Variants in COL22A1 observed in about 807,000 individuals in gnomAD.
The protein encoded by COL22A1 is collagen type XXII alpha 1 chain, also known as collagen alpha-1(XXII) chain.
COL22A1 carries 221 observed loss-of-function variants against 248.9 expected under a neutral mutation model. The ratio of observed to expected loss-of-function variants is 0.89; its 90% CI spans 0.80 to 0.99. The LOEUF (loss-of-function observed/expected upper bound fraction) is 0.99, where lower values mean the gene tolerates loss of function less well. Ranked by LOEUF, COL22A1 falls within the 50% of genes least tolerant of loss-of-function variation. COL22A1 has a pLI of 0.00. For synonymous variants in COL22A1, 891 were observed against 793.4 expected (o/e 1.12, Z -2.07); for missense variants, 2,240 against 2,179.0 (o/e 1.03, Z -0.56).
intron 42 of COL22A1, among the ~76,000 whole-genome samples, chr8:138,663,150 G>T (rs1316890972): frequency 6.6e-6 from 1 of 152,124 alleles, no homozygotes; most frequent in African/African-American, 2.4e-5. Context: ...TATTTCCCCT[G>T]GGGTGAATTT....
At chr8:138,879,172 C>T (rs558422413) in intron 2 of COL22A1, among the ~76,000 whole-genome samples, 53 of 152,230 alleles carry the variant, frequency 3.5e-4, no homozygotes, top group South Asian at 1.9e-3. Context: ...CTGATACATA[C>T]GCTGTTCTCC....
chr8:138,892,430 CAT>C (rs751152970), intron 1 of COL22A1, among the ~76,000 whole-genome samples: 9 of 152,198 alleles, frequency 5.9e-5, no homozygotes, highest in Non-Finnish European at 7.3e-5. Context: ...CAGGCCCTGG[CAT>C]AGAGTAGGTG....
chr8:138,851,829 G>T (rs1821665730), intron 3 of COL22A1, among the ~76,000 whole-genome samples: 1 of 152,210 alleles, frequency 6.6e-6, no homozygotes, highest in African/African-American at 2.4e-5. Context: ...AAAGTGACAA[G>T]CTCGCTGTCC....
chr8:138,883,369 C>T (rs1824392437), intron 1 of COL22A1, 125 bp from the exon 2 acceptor site: 2 of 591,174 alleles, frequency 3.4e-6, no homozygotes, highest in Non-Finnish European at 6.0e-6. Context: ...CTCCCGGATT[C>T]AACTCCAGGC....
chr8:138,628,760 CTTT>C (rs56318714), intron 50 of COL22A1, among the ~76,000 whole-genome samples: 137 of 124,296 alleles, frequency 1.1e-3, no homozygotes, highest in Admixed American at 2.6e-3. Context: ...AGATCCACAT[CTTT>C]TTTTTTTTTT....
chr8:138,741,840 G>A (rs955796096), intron 22 of COL22A1, among the ~76,000 whole-genome samples: 5 of 152,200 alleles, frequency 3.3e-5, no homozygotes, highest in African/African-American at 1.2e-4. Context: ...TGATAATAAT[G>A]GTGGTGGTGG....
chr8:138,755,697 C>A, intron 19 of COL22A1, 88 bp downstream of exon 19: 2 of 1,425,356 alleles, frequency 1.4e-6, no homozygotes, highest in Non-Finnish European at 2.0e-6. Context: ...CTTGGAAGAG[C>A]GTTGCCTTAT....
At chr8:138,703,707 T>G (rs1828160741) in intron 30 of COL22A1, among the ~76,000 whole-genome samples, 1 of 151,972 alleles carries the variant, frequency 6.6e-6, no homozygotes, top group South Asian at 2.1e-4. Context: ...CAGCTCCCAG[T>G]GTGAGTAATG....
chr8:138,689,837 G>A (rs145686084), intron 36 of COL22A1, among the ~76,000 whole-genome samples: 140 of 152,328 alleles, frequency 9.2e-4, no homozygotes, highest in Non-Finnish European at 1.7e-3. Flanking sequence ...CGCTCAGAGC[G>A]ATGACAGCTG....
At chr8:138,862,505 A>T (rs1822559392) in intron 3 of COL22A1, among the ~76,000 whole-genome samples, 2 of 150,842 alleles carry the variant, frequency 1.3e-5, no homozygotes. Context: ...GGGTCCCTTA[A>T]TTCCCTGACC....
At chr8:138,883,632 G>A (rs1355928244) in intron 1 of COL22A1, among the ~76,000 whole-genome samples, 2 of 152,146 alleles carry the variant, frequency 1.3e-5, no homozygotes, top group Non-Finnish European at 2.9e-5. Flanking sequence ...CATGGGGGCA[G>A]TTTCCCCCAT....
intron 16 of COL22A1, among the ~76,000 whole-genome samples, chr8:138,769,851 A>G (rs1159899973): frequency 6.6e-6 from 1 of 152,184 alleles, no homozygotes; most frequent in Non-Finnish European, 1.5e-5. Flanking sequence ...CCAAAATGGA[A>G]AAGACAGAGG....
chr8:138,607,744 C>T (rs558209977), intron 57 of COL22A1, among the ~76,000 whole-genome samples, 192 bp downstream of exon 57: 3 of 152,272 alleles, frequency 2.0e-5, no homozygotes, highest in Admixed American at 6.5e-5. Flanking sequence ...AAGAGCCAAT[C>T]GCATGATATA....
At chr8:138,806,001 T>TA (rs1817595103) in intron 10 of COL22A1, among the ~76,000 whole-genome samples, 1 of 69,688 alleles carries the variant, frequency 1.4e-5, no homozygotes, top group Admixed American at 1.6e-4. Context: ...ATGGTGTGTG[T>TA]GTGTGACGGT....
chr8:138,617,461 T>G (rs1331176898), intron 53 of COL22A1, among the ~76,000 whole-genome samples: 1 of 152,088 alleles, frequency 6.6e-6, no homozygotes, highest in Non-Finnish European at 1.5e-5. Context: ...CGGGCCATAG[T>G]GCTGGGGTCT....
At chr8:138,902,749 C>CAT (rs1384872553) in intron 1 of COL22A1, among the ~76,000 whole-genome samples, 27 of 139,874 alleles carry the variant, frequency 1.9e-4, no homozygotes, top group Non-Finnish European at 2.7e-4. Flanking sequence ...TACACACACA[C>CAT]ACACACACAC....
intron 12 of COL22A1, among the ~76,000 whole-genome samples, chr8:138,795,126 CTGA>C (rs1437691601): frequency 6.6e-6 from 1 of 152,044 alleles, no homozygotes; most frequent in East Asian, 1.9e-4. Context: ...AAAGTAGCTA[CTGA>C]ATTTGAGCAT....
At chr8:138,771,760 G>A (rs1194059690) in intron 16 of COL22A1, among the ~76,000 whole-genome samples, 1 of 152,214 alleles carries the variant, frequency 6.6e-6, no homozygotes, top group East Asian at 1.9e-4. Flanking sequence ...CTTCAGAGAA[G>A]ACATTAATAT....
intron 57 of COL22A1, among the ~76,000 whole-genome samples, chr8:138,607,514 C>T (rs1818513205): frequency 6.6e-6 from 1 of 152,044 alleles, no homozygotes; most frequent in Non-Finnish European, 1.5e-5. Flanking sequence ...TGCTACCTAC[C>T]TGTTGATCCT....
Sources: gnomAD v4.1 joint callset for allele counts (sites outside exome capture counted in the v4.1 genomes callset) on GRCh38, gnomAD v4.1.1 for gene constraint, MANE v1.5 for transcripts, NCBI Gene and HGNC (gene_info 2026-07-23, HGNC 2026-07-21) for gene names.